R3HCC1L: variants seen among roughly 807,000 people sequenced by gnomAD.
R3HCC1L encodes the protein R3H domain and coiled-coil containing 1 like, also known as coiled-coil domain-containing protein R3HCC1L.
In R3HCC1L, 51 loss-of-function variants were observed where a neutral mutation model predicts 59.9. That is an observed-to-expected ratio of 0.85 (90% CI 0.68 to 1.07). R3HCC1L has a LOEUF of 1.07. Ranked by LOEUF, R3HCC1L falls within the 50% of genes least tolerant of loss-of-function variation. The pLI is 0.00. For missense variants in R3HCC1L, 965 were observed against 933.0 expected, an observed-to-expected ratio of 1.03 and a Z score of -0.45; for synonymous variants, 322 against 315.2, an observed-to-expected ratio of 1.02 and a Z score of -0.23.
At chr10:98,144,622 A>T (rs1034945791) in intron 1 of R3HCC1L, among the ~76,000 whole-genome samples, 3 of 152,190 alleles carry the variant, frequency 2.0e-5, no homozygotes, top group African/African-American at 7.2e-5. Flanking sequence ...AAGTTATAGG[A>T]TACCTCTGGG....
In R3HCC1L at chr10:98,208,308, A is replaced by C; in HGVS notation, c.194A>C (p.Lys65Thr). Residue 65 changes from lysine (K) to threonine (T), a missense_variant, in exon 5 of 10, where the codon AAA becomes ACA. Transcript: ENST00000298999. ...SLSQKEVFKDKPEARRLNINP... is the reference protein window; with the variant it reads ...SLSQKEVFKDTPEARRLNINP... Reference sequence around the variant, plus strand: ...TCCCAAAAAGAAGTCTTTAAAGACAAACCGGAGGCTCGAAGACTAAATATC... The same window carrying C: ...TCCCAAAAAGAAGTCTTTAAAGACACACCGGAGGCTCGAAGACTAAATATC... The C allele has an allele frequency of 6.2e-7, 1 of 1,614,196 alleles. No homozygotes were observed. Among genetic ancestry groups the C allele is most frequent in the Non-Finnish European group, 8.5e-7 (1 of 1,180,034 alleles).
At chr10:98,188,820 A>G (rs1475580930) in intron 4 of R3HCC1L, among the ~76,000 whole-genome samples, 1 of 152,212 alleles carries the variant, frequency 6.6e-6, no homozygotes, top group African/African-American at 2.4e-5. Context: ...ATTAGGATCT[A>G]GATAATCCTC....
At chr10:98,195,413 A>G (rs1379561635) in intron 4 of R3HCC1L, among the ~76,000 whole-genome samples, 1 of 151,880 alleles carries the variant, frequency 6.6e-6, no homozygotes, top group Non-Finnish European at 1.5e-5. Flanking sequence ...TGTGCTATAC[A>G]CTTGAGAATT....
intron 5 of R3HCC1L, among the ~76,000 whole-genome samples, chr10:98,221,933 G>C (rs548200705): frequency 3.2e-4 from 49 of 152,302 alleles, no homozygotes; most frequent in African/African-American, 1.1e-3. Flanking sequence ...TTAGTAGCTT[G>C]ATGGGGATGG....
Position 98,199,350 on chromosome 10 carries a change from T to C in R3HCC1L, c.-14-8751T>C, listed in dbSNP as rs561330278. On this transcript the variant is annotated intron_variant, in intron 4 of 9. Coordinates refer to ENST00000298999, the MANE Select transcript of R3HCC1L (RefSeq NM_001351015.2). ...ACAGTAATTTTGTCCAATAAATATC[T>C]GCTTATCAATATTCATTGCCTTTGC... Among the ~76,000 whole-genome samples the C allele has an allele frequency of 1.3e-3, 197 of 152,216 alleles. 2 individuals carry two copies. Among genetic ancestry groups the C allele is most frequent in the African/African-American group, 4.5e-3 (188 of 41,580 alleles).
chr10:98,243,829 A>G (rs7920716), intron 9 of R3HCC1L, among the ~76,000 whole-genome samples: 3,726 of 152,354 alleles, frequency 0.024, 145 homozygotes, highest in African/African-American at 0.08. Context: ...CTGAGTCCCT[A>G]CTAGATTCTG....
At position 98,221,868 on chromosome 10, in the gene R3HCC1L, T is replaced by C. The variant is rs867472684; in HGVS notation, c.1786-9644T>C. On this transcript the variant is annotated intron_variant, in intron 5 of 9. Transcript: ENST00000298999. The stretch of plus-strand genomic sequence containing the variant: ...GATTGACTTGGCGATTCGGGCTCTT[T>C]TTTGGTTCCATATGAACTTTAAAGT... 3.9e-5 allele frequency among the ~76,000 whole-genome samples: 6 copies of C among 152,342 alleles called. No individual in the cohort carries two copies. In the South Asian group the frequency reaches 1.2e-3, roughly 32 times the overall value.
At position 98,208,746 on chromosome 10, in the gene R3HCC1L, C is replaced by T. The variant is rs1259962958; in HGVS notation, c.632C>T (p.Thr211Ile). Residue 211 changes from threonine to isoleucine, a missense_variant, in exon 5 of 10, where the codon ACC becomes ATC. Physicochemically the swap from Thr to Ile is moderately conservative, Grantham distance 89. Coordinates refer to ENST00000298999, the MANE Select transcript of R3HCC1L (RefSeq NM_001351015.2). ...TTGGAAGGCAGAATTGAAACTGATA[C>T]CAAGGTTTTGGAGATACTATATGAG... ...KDLEGRIETD[T>I]KVLEILYEFP... 1.2e-6 allele frequency: 2 copies of T among 1,614,036 alleles called. No homozygotes were observed. The highest frequency in any genetic ancestry group is 1.7e-5 in the Admixed American group (1 of 60,010).
intron 8 of R3HCC1L, among the ~76,000 whole-genome samples, 194 bp downstream of exon 8, chr10:98,235,714 G>C (rs2135698022): frequency 6.6e-6 from 1 of 152,362 alleles, no homozygotes; most frequent in South Asian, 2.1e-4. Flanking sequence ...GCCACTTGGA[G>C]TGTGTGAGAA....
chr10:98,150,643 C>T (rs2133992431), intron 1 of R3HCC1L, among the ~76,000 whole-genome samples: 1 of 152,220 alleles, frequency 6.6e-6, no homozygotes, highest in Middle Eastern at 3.4e-3. Context: ...AGGCATCCCA[C>T]AGGAGATATT....
At chr10:98,137,805 G>A (rs1335773681) in intron 1 of R3HCC1L, among the ~76,000 whole-genome samples, 2 of 152,154 alleles carry the variant, frequency 1.3e-5, no homozygotes, top group African/African-American at 4.8e-5. Flanking sequence ...GTAGCTTGTA[G>A]CAGAGCAATT....
At chr10:98,227,213 A>G (rs528967266) in intron 5 of R3HCC1L, among the ~76,000 whole-genome samples, 8 of 152,194 alleles carry the variant, frequency 5.3e-5, no homozygotes, top group East Asian at 1.9e-4. Flanking sequence ...TAGTCCATGC[A>G]CTTATCTATG....
chr10:98,153,374 G>T (rs1363477762), intron 1 of R3HCC1L, among the ~76,000 whole-genome samples: 2 of 152,092 alleles, frequency 1.3e-5, no homozygotes, highest in Non-Finnish European at 2.9e-5. Flanking sequence ...ATTAAGGGCG[G>T]TGCAACATGT....
chr10:98,232,465 G>A (rs1466680372), intron 6 of R3HCC1L, among the ~76,000 whole-genome samples: 2 of 152,116 alleles, frequency 1.3e-5, no homozygotes, highest in Non-Finnish European at 2.9e-5. Context: ...TATAGGAGAA[G>A]TTAAAAGAGT....
At chr10:98,164,645 AAC>A (rs1403463029) in intron 4 of R3HCC1L, among the ~76,000 whole-genome samples, 1 of 152,128 alleles carries the variant, frequency 6.6e-6, no homozygotes, top group African/African-American at 2.4e-5. Context: ...ATGCTGTACT[AAC>A]ACACTGTGCT....
At chr10:98,155,890 C>T (rs929591451) in intron 1 of R3HCC1L, among the ~76,000 whole-genome samples, 1 of 151,746 alleles carries the variant, frequency 6.6e-6, no homozygotes, top group Admixed American at 6.6e-5. Context: ...CTGCTTCTCC[C>T]TAGCTTCTTA....
intron 1 of R3HCC1L, among the ~76,000 whole-genome samples, chr10:98,144,937 A>G (rs1845513061): frequency 6.6e-6 from 1 of 152,262 alleles, no homozygotes; most frequent in Non-Finnish European, 1.5e-5. Flanking sequence ...AGCAAGAATG[A>G]GTACAGTATG....
chr10:98,147,667 T>C (rs1312849897), intron 1 of R3HCC1L, among the ~76,000 whole-genome samples: 1 of 152,196 alleles, frequency 6.6e-6, no homozygotes, highest in Non-Finnish European at 1.5e-5. Flanking sequence ...GAAGAGACTC[T>C]TCTTTCCCCA....
Position 98,188,145 on chromosome 10 carries a change from C to T in R3HCC1L, c.-14-19956C>T, listed in dbSNP as rs1391542758. On this transcript the variant is annotated intron_variant, in intron 4 of 9. Coordinates refer to ENST00000298999, the MANE Select transcript of R3HCC1L (RefSeq NM_001351015.2). ...ACATCTGAATTGATACTGCTTTGTGCCAGGCACATTTGCTTTTGTGCTCAT... is the reference window on the plus strand; with the variant it reads ...ACATCTGAATTGATACTGCTTTGTGTCAGGCACATTTGCTTTTGTGCTCAT... Among the ~76,000 whole-genome samples the T allele has an allele frequency of 1.5e-3, 233 of 152,092 alleles. 4 individuals carry two copies. Among genetic ancestry groups the T allele is most frequent in the Non-Finnish European group, 1.2e-4 (8 of 68,006 alleles).
Sources: allele counts gnomAD v4.1 joint callset (sites outside exome capture counted in the v4.1 genomes callset), GRCh38; gene constraint gnomAD v4.1.1; transcripts MANE v1.5; gene names NCBI Gene and HGNC (gene_info 2026-07-23, HGNC 2026-07-21).